The following MAPRE3 variants were observed in gnomAD, a reference collection of about 807,000 sequenced individuals.
The protein encoded by MAPRE3 is microtubule-associated protein RP/EB family member 3.
A neutral mutation model predicts 30.5 loss-of-function variants in MAPRE3; 2 were observed. The observed-to-expected ratio is 0.07, with a 90% CI of 0.03 to 0.21. The LOEUF (loss-of-function observed/expected upper bound fraction) is 0.21, where lower values mean the gene tolerates loss of function less well. Ranked by LOEUF, MAPRE3 falls within the 10% of genes least tolerant of loss-of-function variation. The pLI, the probability that MAPRE3 is intolerant of heterozygous loss-of-function variation, is 1.00. For missense variants in MAPRE3, 204 were observed against 351.8 expected, an observed-to-expected ratio of 0.58 and a Z score of 3.36; for synonymous variants, 110 against 127.7, an observed-to-expected ratio of 0.86 and a Z score of 0.93.
At chr2:27,018,812 C>G (rs901586833) in intron 1 of MAPRE3, among the ~76,000 whole-genome samples, 1 of 152,196 alleles carries the variant, frequency 6.6e-6, no homozygotes, top group Non-Finnish European at 1.5e-5. Flanking sequence ...CCACCAAGAA[C>G]TGGTGTAGAA....
In MAPRE3 at chr2:27,026,437, C is replaced by A; in HGVS notation, c.*89C>A. On this transcript the variant is annotated 3_prime_UTR_variant, in exon 7 of 7. Transcript: ENST00000233121. ...CATTATAGTCCTTTCCTAACACGGT[C>A]GGCCGGGTGCTTTGTGTCAGTGCTG... 8.6e-7 allele frequency: 1 copy of A among 1,165,638 alleles called. No individual in the cohort carries two copies. The highest frequency in any genetic ancestry group is 1.4e-5 in the South Asian group (1 of 69,834). The allele number at this position is 1,165,638 out of a possible 1,614,324, so 72.2% of individuals were successfully genotyped here.
chr2:27,020,346 C>T (rs1393049452), intron 1 of MAPRE3, among the ~76,000 whole-genome samples: 1 of 152,214 alleles, frequency 6.6e-6, no homozygotes, highest in Non-Finnish European at 1.5e-5. Flanking sequence ...TTCACAGAGA[C>T]ACTTTACATA....
chr2:27,002,412 T>C (rs558607081), intron 1 of MAPRE3, among the ~76,000 whole-genome samples: 39 of 70,348 alleles, frequency 5.5e-4, no homozygotes, highest in African/African-American at 1.8e-3. Flanking sequence ...ATCTAAAGGC[T>C]TTTAATCTTT....
chr2:26,986,118 C>T lies in MAPRE3; in HGVS notation c.-8+15316C>T, dbSNP rs1012817810. Among the ~76,000 whole-genome samples the T allele has an allele frequency of 3.3e-5, 5 of 152,134 alleles. No homozygotes were observed. The highest frequency in any genetic ancestry group is 4.4e-5 in the Non-Finnish European group (3 of 68,014). On this transcript the variant is annotated intron_variant, in intron 1 of 6. Coordinates refer to ENST00000233121, the MANE Select transcript of MAPRE3 (RefSeq NM_012326.4). The surrounding 1 kb of genome is among the most constrained non-coding windows in gnomAD (Gnocchi z 4.2). ...CTTCTGGAGCCTCCAGGAGAAAATC[C>T]GCGTCTTTGCCTCCTCCATCCTCTA...
intron 1 of MAPRE3, among the ~76,000 whole-genome samples, chr2:27,002,705 C>G (rs1469146892): frequency 6.6e-6 from 1 of 152,194 alleles, no homozygotes; most frequent in Non-Finnish European, 1.5e-5. Context: ...TGGTGGGGCC[C>G]TTGTGCTGAT....
rs116573861 is a variant in MAPRE3, at chr2:26,984,300, C to G, written c.-8+13498C>G. ...TGAATTAAAACATTGCAGAAATGCA[C>G]AATGCAAAAAGTAGAAGTCCTCCAT... On this transcript the variant is annotated intron_variant, in intron 1 of 6. Transcript: ENST00000233121. 1.4e-3 allele frequency among the ~76,000 whole-genome samples: 217 copies of G among 152,238 alleles called. 3 individuals are homozygous for G. The highest frequency in any genetic ancestry group is 5.0e-3 in the African/African-American group (208 of 41,538).
In MAPRE3 at chr2:27,026,591, T is replaced by C. The variant is rs1194516863; in HGVS notation, c.*243T>C. The C allele has an allele frequency of 4.3e-6, 2 of 464,236 alleles. No individual in the cohort carries two copies. Among genetic ancestry groups the C allele is most frequent in the African/African-American group, 4.1e-5 (2 of 49,234 alleles). The allele number at this position is 464,236 out of a possible 1,614,324, so 28.8% of individuals were successfully genotyped here. A position where few individuals can be genotyped will look rare whatever the true frequency, so the allele number is the denominator to read the frequency against. On this transcript the variant is annotated 3_prime_UTR_variant, in exon 7 of 7. Transcript: ENST00000233121. ...ACACCCACCCTATTTATTTCCGTTGTCTCTCTGCTGTGTCGCCCAACACTT... is the reference window on the plus strand; with the variant it reads ...ACACCCACCCTATTTATTTCCGTTGCCTCTCTGCTGTGTCGCCCAACACTT...
intron 1 of MAPRE3, among the ~76,000 whole-genome samples, chr2:26,999,149 G>T (rs1666529662): frequency 6.6e-6 from 1 of 152,196 alleles, no homozygotes; most frequent in African/African-American, 2.4e-5. Flanking sequence ...GTTTGGGGAA[G>T]AAGGAAGTGG....
chr2:27,002,641 T>G (rs1666624470), intron 1 of MAPRE3, among the ~76,000 whole-genome samples: 1 of 152,190 alleles, frequency 6.6e-6, no homozygotes, highest in African/African-American at 2.4e-5. Context: ...TGCACCCTTC[T>G]GTGTTGCACC....
At position 27,008,323 on chromosome 2, in the gene MAPRE3, C is replaced by T. The variant is rs183987754; in HGVS notation, c.-7-13889C>T. ...GAGTCTTCTGGGCTGGGCACAGTGG[C>T]GCATGCCTGTAATCCCGGCTACTTG... On this transcript the variant is annotated intron_variant, in intron 1 of 6. Coordinates refer to ENST00000233121, the MANE Select transcript of MAPRE3 (RefSeq NM_012326.4). Among the ~76,000 whole-genome samples the T allele has an allele frequency of 2.5e-3, 388 of 152,188 alleles. 3 individuals are homozygous for T. Among genetic ancestry groups the T allele is most frequent in the East Asian group, 5.4e-3 (28 of 5,180 alleles).
At chr2:27,005,063 A>G (rs1217500876) in intron 1 of MAPRE3, among the ~76,000 whole-genome samples, 1 of 152,342 alleles carries the variant, frequency 6.6e-6, no homozygotes, top group East Asian at 1.9e-4. Flanking sequence ...TGTTGAAATG[A>G]GCACTCATAA....
At chr2:26,973,388 G>A (rs1289920682) in intron 1 of MAPRE3, among the ~76,000 whole-genome samples, 2 of 152,164 alleles carry the variant, frequency 1.3e-5, no homozygotes, top group Non-Finnish European at 2.9e-5. Context: ...CATAGTAGGA[G>A]GCTATTGAAC....
chr2:26,978,239 T>C (rs1241326320), intron 1 of MAPRE3, among the ~76,000 whole-genome samples: 1 of 152,204 alleles, frequency 6.6e-6, no homozygotes, highest in Non-Finnish European at 1.5e-5. Flanking sequence ...TCTTAACTGC[T>C]TCTGAGTCAG....
chr2:26,995,829 G>GTGTGTGTGTGTGTGTGTGTA (rs1335864863), intron 1 of MAPRE3, among the ~76,000 whole-genome samples: 24 of 147,110 alleles, frequency 1.6e-4, no homozygotes, highest in African/African-American at 6.0e-4. Flanking sequence ...GTGTGTGTGT[G>GTGTGTGTGTGTGTGTGTGTA]TATGTGTGTG....
At chr2:26,998,092 C>T (rs1666505634) in intron 1 of MAPRE3, among the ~76,000 whole-genome samples, 1 of 152,232 alleles carries the variant, frequency 6.6e-6, no homozygotes, top group African/African-American at 2.4e-5. Flanking sequence ...TGTTTGTCTT[C>T]AGTGGGTCAA....
At chr2:27,016,585 C>T (rs940337312) in intron 1 of MAPRE3, among the ~76,000 whole-genome samples, 16 of 152,062 alleles carry the variant, frequency 1.1e-4, no homozygotes, top group Non-Finnish European at 2.2e-4. Context: ...GGGGTTTCAC[C>T]GTGTTAGCCA....
chr2:27,025,803 G>T, intron 5 of MAPRE3, 66 bp downstream of exon 5: 1 of 1,613,514 alleles, frequency 6.2e-7, no homozygotes, highest in Non-Finnish European at 8.5e-7. Flanking sequence ...TGGGGTGTCT[G>T]CAGGGACGAG....
chr2:27,001,568 G>A (rs749814967), intron 1 of MAPRE3, among the ~76,000 whole-genome samples: 17 of 152,112 alleles, frequency 1.1e-4, no homozygotes, highest in East Asian at 1.9e-4. Flanking sequence ...AGATAGGTAC[G>A]TAGATCTAAA....
At chr2:27,022,678 G>T (rs1205824863) in intron 2 of MAPRE3, 2 of 221,632 alleles carry the variant, frequency 9.0e-6, no homozygotes, top group African/African-American at 2.3e-5. Flanking sequence ...ACATAGAAAA[G>T]GTGATAATAA....
Sources: gnomAD v4.1 joint callset for allele counts (sites outside exome capture counted in the v4.1 genomes callset) on GRCh38, gnomAD v4.1.1 for gene constraint, Gnocchi (gnomAD v3.1) non-coding constraint, MANE v1.5 for transcripts, NCBI Gene and HGNC (gene_info 2026-07-23, HGNC 2026-07-21) for gene names.